The following STPG2 variants were observed in gnomAD, a reference collection of about 807,000 sequenced individuals.
STPG2 encodes the protein sperm-tail PG-rich repeat-containing protein 2.
STPG2 carries 56 observed loss-of-function variants against 54.2 expected under a neutral mutation model. The observed-to-expected ratio is 1.03, with a 90% CI of 0.83 to 1.29. The LOEUF is 1.29. Ranked by LOEUF, STPG2 falls within the 50% of genes most tolerant of loss-of-function variation. STPG2 has a pLI of 0.00. For synonymous variants in STPG2, 200 were observed against 181.8 expected, an observed-to-expected ratio of 1.10 and a Z score of -0.81; for missense variants, 596 against 544.9, an observed-to-expected ratio of 1.09 and a Z score of -0.93.
chr4:97,698,230 C>T (rs1723648732), intron 10 of STPG2, among the ~76,000 whole-genome samples: 1 of 152,094 alleles, frequency 6.6e-6, no homozygotes, highest in Non-Finnish European at 1.5e-5. Flanking sequence ...GTATTTCTGC[C>T]TGGATTGGCA....
Position 97,669,782 on chromosome 4 carries a change from A to G in STPG2, c.1320+42917T>C, listed in dbSNP as rs901534910. Among the ~76,000 whole-genome samples the G allele has an allele frequency of 3.1e-4, 8 of 26,166 alleles. 3 individuals carry two copies. The highest frequency in any genetic ancestry group is 1.9e-3 in the Admixed American group (4 of 2,104). The allele number at this position is 26,166 out of a possible 152,430, so 17.2% of individuals were successfully genotyped here. A position where few individuals can be genotyped will look rare whatever the true frequency, so the allele number is the denominator to read the frequency against. Reference sequence around the variant, plus strand: ...CTGCAGTCCGCAGTCCGGCCTGGGCAACAGAGCGAGACTCCGTCTCAAAAA... The same window carrying G: ...CTGCAGTCCGCAGTCCGGCCTGGGCGACAGAGCGAGACTCCGTCTCAAAAA... On this transcript the variant is annotated intron_variant, in intron 10 of 10. Transcript: ENST00000295268.
chr4:97,453,027 A>T (rs1263006312), intron 4 of STPG2, among the ~76,000 whole-genome samples: 1 of 152,232 alleles, frequency 6.6e-6, no homozygotes, highest in Admixed American at 6.5e-5. Context: ...GCTAGAACAC[A>T]AACAGGGTTG....
chr4:98,104,375 C>T lies in STPG2; in HGVS notation c.612+1578G>A, dbSNP rs571623107. 3.0e-4 allele frequency among the ~76,000 whole-genome samples: 46 copies of T among 152,196 alleles called. 1 individual carries two copies. The South Asian group carries it at 8.9e-3, about 29-fold the overall frequency. ...TAAAGCACTGAGAAAATGCTACATA[C>T]AATAAAGCCCCTATATTTTAACCAG... On this transcript the variant is annotated intron_variant, in intron 5 of 10. Coordinates refer to ENST00000295268, the MANE Select transcript of STPG2 (RefSeq NM_174952.3).
intron 6 of STPG2, 32 bp from the exon 7 acceptor site, chr4:97,972,472 T>G (rs767288041): frequency 3.1e-5 from 41 of 1,317,414 alleles, no homozygotes; most frequent in Non-Finnish European, 4.0e-5. Flanking sequence ...TATATAAGAA[T>G]AAGCATGCTT....
At chr4:97,869,880 A>G (rs1435107198) in intron 8 of STPG2, among the ~76,000 whole-genome samples, 1 of 151,532 alleles carries the variant, frequency 6.6e-6, no homozygotes, top group African/African-American at 2.4e-5. Flanking sequence ...TCATCTTCTC[A>G]CCAATAATAT....
intron 9 of STPG2, among the ~76,000 whole-genome samples, chr4:97,781,181 C>T (rs1366358728): frequency 6.6e-6 from 1 of 151,892 alleles, no homozygotes; most frequent in Non-Finnish European, 1.5e-5. Flanking sequence ...ATTGATAGAC[C>T]GCTAGCAAGA....
At chr4:97,602,674 G>C (rs972048494) in intron 10 of STPG2, among the ~76,000 whole-genome samples, 2 of 151,314 alleles carry the variant, frequency 1.3e-5, no homozygotes, top group African/African-American at 4.8e-5. Flanking sequence ...ATGGTTTTTT[G>C]GCATCTACTG....
At chr4:98,064,382 C>G (rs1160131531) in intron 5 of STPG2, among the ~76,000 whole-genome samples, 2 of 152,174 alleles carry the variant, frequency 1.3e-5, no homozygotes, top group Non-Finnish European at 2.9e-5. Flanking sequence ...TGCATAACAT[C>G]ATTAATTCTT....
chr4:97,912,928 T>A (rs1391688212), intron 8 of STPG2, among the ~76,000 whole-genome samples: 1 of 152,172 alleles, frequency 6.6e-6, no homozygotes, highest in Non-Finnish European at 1.5e-5. Context: ...AATGACCCAA[T>A]AATACAATTC....
At chr4:97,908,271 C>T (rs868232850) in intron 8 of STPG2, among the ~76,000 whole-genome samples, 7 of 152,032 alleles carry the variant, frequency 4.6e-5, no homozygotes, top group Admixed American at 2.0e-4. Context: ...AAAATGCTCA[C>T]CATCACTGGC....
chr4:97,456,891 C>CAAAAAAAAAAAAAAA (rs57563048), intron 4 of STPG2, among the ~76,000 whole-genome samples: 1,016 of 48,598 alleles, frequency 0.021, 117 homozygotes, highest in African/African-American at 0.11. Context: ...TGCTCCGTCT[C>CAAAAAAAAAAAAAAA]AAAAAAAAAA....
chr4:97,542,211 A>C (rs1452806270), intron 4 of STPG2, among the ~76,000 whole-genome samples: 1 of 152,216 alleles, frequency 6.6e-6, no homozygotes, highest in South Asian at 2.1e-4. Flanking sequence ...AATTTTTGCA[A>C]TCTACTCATC....
intron 4 of STPG2, among the ~76,000 whole-genome samples, chr4:97,503,279 T>C (rs1224153347): frequency 6.6e-6 from 1 of 152,042 alleles, no homozygotes; most frequent in Non-Finnish European, 1.5e-5. Flanking sequence ...ACCATGGAAA[T>C]AGTCAAATGC....
intron 10 of STPG2, among the ~76,000 whole-genome samples, chr4:97,614,266 T>C (rs1733804280): frequency 6.6e-6 from 1 of 151,656 alleles, no homozygotes; most frequent in Non-Finnish European, 1.5e-5. Context: ...TCTACATTAT[T>C]AGCTGAAGAA....
intron 4 of STPG2, among the ~76,000 whole-genome samples, chr4:97,465,195 AT>A (rs1222023600): frequency 6.6e-6 from 1 of 152,116 alleles, no homozygotes; most frequent in African/African-American, 2.4e-5. Flanking sequence ...CATTGTACTT[AT>A]TCCTCTCAGT....
At chr4:97,621,975 T>C (rs1221270858) in intron 10 of STPG2, among the ~76,000 whole-genome samples, 1 of 152,140 alleles carries the variant, frequency 6.6e-6, no homozygotes, top group East Asian at 1.9e-4. Flanking sequence ...GTTCAGCACA[T>C]GCAAATCAAG....
chr4:97,701,712 A>G (rs945924362), intron 10 of STPG2, among the ~76,000 whole-genome samples: 2 of 152,204 alleles, frequency 1.3e-5, no homozygotes, highest in Non-Finnish European at 2.9e-5. Context: ...GTAGGAATGC[A>G]GTAGGCTTCC....
At chr4:97,629,153 A>G (rs1431131739) in intron 10 of STPG2, among the ~76,000 whole-genome samples, 1 of 151,966 alleles carries the variant, frequency 6.6e-6, no homozygotes, top group Non-Finnish European at 1.5e-5. Flanking sequence ...GAATTTTCCA[A>G]TAATAATAAT....
intron 4 of STPG2, among the ~76,000 whole-genome samples, chr4:97,477,540 G>T (rs1199013570): frequency 6.9e-6 from 1 of 145,792 alleles, no homozygotes; most frequent in Non-Finnish European, 1.5e-5. Context: ...GCAGTGGCAC[G>T]ATCTCGGCTC....
Sources: gnomAD v4.1 joint callset for allele counts (sites outside exome capture counted in the v4.1 genomes callset) on GRCh38, gnomAD v4.1.1 for gene constraint, MANE v1.5 for transcripts, NCBI Gene and HGNC (gene_info 2026-07-23, HGNC 2026-07-21) for gene names.